Variants in NPAS3 observed in about 807,000 individuals in gnomAD.
NPAS3 encodes the protein neuronal PAS domain-containing protein 3.
Under a neutral mutation model 73.1 loss-of-function variants are expected in NPAS3, and 14 were observed. The ratio of observed to expected loss-of-function variants is 0.19; its 90% CI spans 0.13 to 0.30. The LOEUF is 0.30. Ranked by LOEUF, NPAS3 falls within the 10% of genes least tolerant of loss-of-function variation. NPAS3 has a pLI of 1.00. For synonymous variants in NPAS3, 620 were observed against 541.5 expected, an observed-to-expected ratio of 1.14 and a Z score of -2.01; for missense variants, 1,096 against 1,250.0, an observed-to-expected ratio of 0.88 and a Z score of 1.86.
intron 3 of NPAS3, among the ~76,000 whole-genome samples, chr14:33,223,993 A>G (rs976651984): frequency 1.9e-4 from 29 of 152,212 alleles, no homozygotes; most frequent in African/African-American, 6.5e-4. Flanking sequence ...CACTTCATAT[A>G]CTTTTTCTTT....
At chr14:33,144,301 C>T (rs1211866377) in intron 2 of NPAS3, among the ~76,000 whole-genome samples, 3 of 152,220 alleles carry the variant, frequency 2.0e-5, no homozygotes, top group Admixed American at 6.5e-5. Context: ...TTTGTGCTTC[C>T]GTAGTGAAGA....
At chr14:33,067,210 A>G (rs2138619545) in intron 2 of NPAS3, among the ~76,000 whole-genome samples, 1 of 152,334 alleles carries the variant, frequency 6.6e-6, no homozygotes, top group East Asian at 1.9e-4. Context: ...AAAAACATCC[A>G]TCCTCTATTT....
At chr14:33,148,143 T>C (rs536384724) in intron 2 of NPAS3, among the ~76,000 whole-genome samples, 1 of 152,266 alleles carries the variant, frequency 6.6e-6, no homozygotes, top group East Asian at 1.9e-4. Flanking sequence ...GGGCAATTAA[T>C]CCTGAGTGTG....
chr14:33,211,669 T>C (rs1378941139), intron 2 of NPAS3, among the ~76,000 whole-genome samples: 2 of 152,346 alleles, frequency 1.3e-5, no homozygotes, highest in African/African-American at 4.8e-5. Context: ...TATATTTATA[T>C]GCACACACAC....
intron 4 of NPAS3, among the ~76,000 whole-genome samples, chr14:33,423,214 TGAA>T (rs1421102478): frequency 1.3e-5 from 2 of 152,020 alleles, no homozygotes; most frequent in African/African-American, 4.8e-5. Context: ...TAGCCAGAGA[TGAA>T]GAAGGACATA....
At chr14:33,297,698 GT>G (rs1447282276) in intron 3 of NPAS3, among the ~76,000 whole-genome samples, 1 of 152,202 alleles carries the variant, frequency 6.6e-6, no homozygotes, top group African/African-American at 2.4e-5. Flanking sequence ...CTGCTTGCAT[GT>G]AAAAAGAATC....
intron 2 of NPAS3, among the ~76,000 whole-genome samples, chr14:33,187,774 A>G (rs917976191): frequency 6.6e-6 from 1 of 152,136 alleles, no homozygotes; most frequent in African/African-American, 2.4e-5. Context: ...TATTAAATTA[A>G]TATCTATTAA....
At chr14:33,733,341 C>G (rs1290399515) in intron 6 of NPAS3, among the ~76,000 whole-genome samples, 1 of 151,380 alleles carries the variant, frequency 6.6e-6, no homozygotes, top group Non-Finnish European at 1.5e-5. Flanking sequence ...ATAGCATCTT[C>G]AAGCTCTCGG....
chr14:33,451,216 C>T (rs1877701087), intron 4 of NPAS3, among the ~76,000 whole-genome samples: 4 of 152,322 alleles, frequency 2.6e-5, no homozygotes, highest in South Asian at 4.1e-4. Context: ...TCAATTGATA[C>T]AGCTGTGCCT....
intron 4 of NPAS3, among the ~76,000 whole-genome samples, chr14:33,539,630 C>T (rs1177055320): frequency 6.6e-6 from 1 of 152,058 alleles, no homozygotes; most frequent in African/African-American, 2.4e-5. Context: ...ATCCCCAAGC[C>T]CCACGTCCCA....
chr14:33,566,428 A>G (rs892170125), intron 5 of NPAS3, among the ~76,000 whole-genome samples: 84 of 152,012 alleles, frequency 5.5e-4, no homozygotes, highest in African/African-American at 1.8e-3. Flanking sequence ...CAGATATTGA[A>G]CTGCTCGTTC....
At position 33,452,097 on chromosome 14, in the gene NPAS3, C is replaced by A. The variant is rs76458147; in HGVS notation, c.468+84829C>A. On this transcript the variant is annotated intron_variant, in intron 4 of 11. Transcript: ENST00000356141. ...TGTTGATGCCCTCTTATCCCAGAACCTGGCTGAAGCTGGAGTCAAAATCTA... is the reference window on the plus strand; with the variant it reads ...TGTTGATGCCCTCTTATCCCAGAACATGGCTGAAGCTGGAGTCAAAATCTA... 6.0e-4 allele frequency among the ~76,000 whole-genome samples: 92 copies of A among 152,272 alleles called. 1 individual carries two copies. The East Asian group carries it at 0.017, about 28-fold the overall frequency.
chr14:33,100,377 AG>A (rs1242600578), intron 2 of NPAS3, among the ~76,000 whole-genome samples: 1 of 152,182 alleles, frequency 6.6e-6, no homozygotes, highest in African/African-American at 2.4e-5. Flanking sequence ...TTTTACCTGC[AG>A]AAAAGAAGCA....
intron 1 of NPAS3, among the ~76,000 whole-genome samples, chr14:33,040,292 A>G (rs771920710): frequency 3.3e-5 from 5 of 152,186 alleles, no homozygotes; most frequent in Non-Finnish European, 5.9e-5. Flanking sequence ...TAAGTATACT[A>G]AGAAAACAAC....
rs762230474 is a variant in NPAS3, at chr14:33,367,226, C to T, written c.426C>T (p.Ala142=). ...GAAGGAGAAGCCCCAGTGCACTAGC[C>T]ATTGAAGTATTTGAAGCACATTTGG... The change falls in exon 4 of 12, where the codon GCC becomes GCT. Residue 142 remains alanine (A), a synonymous_variant. Transcript: ENST00000356141. The T allele has an allele frequency of 2.4e-5, 21 of 868,248 alleles. No individual in the cohort carries two copies. The Admixed American group carries it at 3.4e-4, about 14-fold the overall frequency. 53.8% of individuals were successfully genotyped at this position (868,248 alleles called of 1,614,324 possible). A position where few individuals can be genotyped will look rare whatever the true frequency, so the allele number is the denominator to read the frequency against.
At chr14:33,061,245 G>A (rs764661893) in intron 2 of NPAS3, among the ~76,000 whole-genome samples, 2 of 152,164 alleles carry the variant, frequency 1.3e-5, no homozygotes, top group Non-Finnish European at 2.9e-5. Flanking sequence ...TCTTTTGCTG[G>A]TTGTTTAACC....
chr14:33,513,105 G>A (rs17101417), intron 4 of NPAS3, among the ~76,000 whole-genome samples: 9,692 of 151,988 alleles, frequency 0.064, 329 homozygotes, highest in Non-Finnish European at 0.072. Context: ...AAAAGGAGAC[G>A]TTAGGACCGT....
intron 2 of NPAS3, among the ~76,000 whole-genome samples, chr14:33,148,823 G>A (rs1416714843): frequency 6.6e-6 from 1 of 152,002 alleles, no homozygotes; most frequent in East Asian, 1.9e-4. Context: ...AAGTAGCTAG[G>A]ACCACTGATG....
At chr14:33,578,879 A>G (rs1320084165) in intron 5 of NPAS3, among the ~76,000 whole-genome samples, 2 of 152,268 alleles carry the variant, frequency 1.3e-5, no homozygotes, top group Non-Finnish European at 2.9e-5. Context: ...ACAGAACAAC[A>G]CATTAAAATA....
Sources: gnomAD v4.1 joint callset for allele counts (sites outside exome capture counted in the v4.1 genomes callset) on GRCh38, gnomAD v4.1.1 for gene constraint, MANE v1.5 for transcripts, NCBI Gene and HGNC (gene_info 2026-07-23, HGNC 2026-07-21) for gene names.